IQGAP3: variants seen among roughly 807,000 people sequenced by gnomAD.
The protein encoded by IQGAP3 is IQ motif containing GTPase activating protein 3, also known as ras GTPase-activating-like protein IQGAP3.
IQGAP3 carries 165 observed loss-of-function variants against 208.2 expected under a neutral mutation model. The ratio of observed to expected loss-of-function variants is 0.79; its 90% CI spans 0.70 to 0.90. The LOEUF (loss-of-function observed/expected upper bound fraction) is 0.90. IQGAP3 is among the 40% of genes least tolerant of loss of function. The pLI, the probability that IQGAP3 is intolerant of heterozygous loss-of-function variation, is 0.00. For missense variants in IQGAP3, 1,811 were observed against 2,043.1 expected (o/e 0.89, Z 2.19); for synonymous variants, 703 against 803.6 (o/e 0.87, Z 2.12).
At chr1:156,559,950 C>T (rs78813039) in intron 11 of IQGAP3, among the ~76,000 whole-genome samples, 2 of 152,182 alleles carry the variant, frequency 1.3e-5, no homozygotes, top group Non-Finnish European at 2.9e-5. Context: ...CGGGAATGAA[C>T]TGAGTGGATT....
At chr1:156,557,983 G>A (rs1436358123) in intron 11 of IQGAP3, among the ~76,000 whole-genome samples, 1 of 11,542 alleles carries the variant, frequency 8.7e-5, no homozygotes, top group Admixed American at 8.4e-4. Context: ...AGGTGGGGGG[G>A]TCAGCCCCCC....
At chr1:156,540,679 G>A (rs376093584) in intron 23 of IQGAP3, 29 bp downstream of exon 23, 105 of 1,582,356 alleles carry the variant, frequency 6.6e-5, no homozygotes, top group Non-Finnish European at 8.5e-5. Context: ...GGCAGATCTC[G>A]GGGAGGGGAG....
chr1:156,532,223 C>G (rs1674442935), intron 32 of IQGAP3, among the ~76,000 whole-genome samples: 1 of 151,812 alleles, frequency 6.6e-6, no homozygotes, highest in African/African-American at 2.4e-5. Context: ...CCCATCTCTA[C>G]TAAAAATACA....
In IQGAP3 at chr1:156,535,180, C is replaced by T. The variant is rs1674633888; in HGVS notation, c.3490G>A (p.Asp1164Asn). 6.2e-7 allele frequency: 1 copy of T among 1,613,580 alleles called. No individual in the cohort carries two copies. The highest frequency in any genetic ancestry group is 1.7e-5 in the Admixed American group (1 of 59,962). ...ACACTTGCCTTATAGACCTCGCTGT[C>T]TGTGGCGTCAGGGAATTTCTCTGCC... ...TLAEKFPDAT[D>N]SEVYKVVGNL... Residue 1164 changes from aspartate (D) to asparagine (N), a missense_variant, in exon 28 of 38, where the codon GAC (aspartate) becomes AAC (asparagine). Coordinates refer to ENST00000361170, the MANE Select transcript of IQGAP3 (RefSeq NM_178229.5).
chr1:156,559,927 T>G (rs778105995), intron 11 of IQGAP3, among the ~76,000 whole-genome samples: 13 of 152,210 alleles, frequency 8.5e-5, no homozygotes, highest in Admixed American at 2.6e-4. Flanking sequence ...GAGATTACTC[T>G]GGCAGCAGCA....
Position 156,532,976 on chromosome 1 carries a change from C to A in IQGAP3, c.4103+4G>T. ...ATGCAGGGGCAGAGGCTGGCATCAC[C>A]CACCTCAGAAGCAGGCTACGGGTGT... On this transcript the variant is annotated splice_donor_region_variant and intron_variant, in intron 32 of 37. Transcript: ENST00000361170. 6.2e-7 allele frequency: 1 copy of A among 1,613,862 alleles called. No individual in the cohort carries two copies. Among genetic ancestry groups the A allele is most frequent in the Non-Finnish European group, 8.5e-7 (1 of 1,179,888 alleles).
chr1:156,548,148 G>T lies in IQGAP3; in HGVS notation c.2229C>A (p.Gly743=). ...FVIQLQARLR[G]FLVRQKFAEH... ...CAGCAAACTTCTGCCGAACTAGGAA[G>T]CCACGGAGGCGGGCCTGGAGCTGGA... Residue 743 remains glycine, a synonymous_variant, in exon 19 of 38, where the codon GGC becomes GGA. Coordinates refer to ENST00000361170, the MANE Select transcript of IQGAP3 (RefSeq NM_178229.5). The T allele has an allele frequency of 6.2e-7, 1 of 1,614,050 alleles. No homozygotes were observed. The highest frequency in any genetic ancestry group is 8.5e-7 in the Non-Finnish European group (1 of 1,179,956).
In IQGAP3 at chr1:156,526,264, G is replaced by T; in HGVS notation, c.*222C>A. 1.8e-6 allele frequency: 1 copy of T among 548,602 alleles called. No individual in the cohort carries two copies. The highest frequency in any genetic ancestry group is 3.3e-6 in the Non-Finnish European group (1 of 304,968). The allele number at this position is 548,602 out of a possible 1,614,324, so 34.0% of individuals were successfully genotyped here. A position where few individuals can be genotyped will look rare whatever the true frequency, so the allele number is the denominator to read the frequency against. ...CAGGGGTTTGTCATGCATGATAAAA[G>T]CCACACAGCTGGACTCTGGGCAAGG... On this transcript the variant is annotated 3_prime_UTR_variant, in exon 38 of 38. Transcript: ENST00000361170.
rs1676164122 is a variant in IQGAP3, at chr1:156,561,852, CTCTG to C, written c.1023_1026del (p.Asp341GlufsTer56). On this transcript the variant is annotated frameshift_variant, in exon 10 of 38. Transcript: ENST00000361170. LOFTEE classifies it high-confidence loss of function. ...CAGAGGCTAACCTGTGCCTTCTGCT[CTCTG>C]TCTGAGTTCAGCTGCTCCAGGTACC... 2 of 1,613,950 alleles carry C rather than the reference CTCTG, an allele frequency of 1.2e-6. No homozygotes were observed. The highest frequency in any genetic ancestry group is 1.7e-6 in the Non-Finnish European group (2 of 1,179,976).
chr1:156,535,870 T>C (rs892042806), intron 27 of IQGAP3, among the ~76,000 whole-genome samples: 2 of 152,218 alleles, frequency 1.3e-5, no homozygotes, highest in Non-Finnish European at 2.9e-5. Flanking sequence ...GAATGATCAT[T>C]CTTGCCTTCT....
chr1:156,544,174 C>T lies in IQGAP3; in HGVS notation c.2438G>A (p.Arg813His), dbSNP rs542327665. ...MWAARRQYLR[R>H]LHYFQKNVNS... ...CACATTCTTCTGGAAGTAGTGCAGA[C>T]GCCTCAGGTATTGCCTCCGAGCTGC... The change falls in exon 21 of 38, where the codon CGT becomes CAT. Residue 813 changes from arginine (R) to histidine (H), a missense_variant. Transcript: ENST00000361170. The T allele has an allele frequency of 1.7e-5, 28 of 1,614,178 alleles. No individual in the cohort carries two copies. The highest frequency in any genetic ancestry group is 9.9e-5 in the South Asian group (9 of 91,080).
intron 22 of IQGAP3, among the ~76,000 whole-genome samples, chr1:156,541,567 C>G (rs371805541): frequency 6.6e-6 from 1 of 152,152 alleles, no homozygotes; most frequent in African/African-American, 2.4e-5. Flanking sequence ...TGAGACAGAA[C>G]CTGTTCTAAG....
chr1:156,568,030 A>C (rs1676484492), intron 2 of IQGAP3, among the ~76,000 whole-genome samples: 1 of 152,244 alleles, frequency 6.6e-6, no homozygotes, highest in Admixed American at 6.5e-5. Context: ...ACTTAGCATC[A>C]CTAAAAGTGG....
chr1:156,542,332 G>C (rs754182319), intron 22 of IQGAP3, among the ~76,000 whole-genome samples: 1 of 152,178 alleles, frequency 6.6e-6, no homozygotes, highest in Non-Finnish European at 1.5e-5. Context: ...TGGGATTACA[G>C]GTACCTGTCA....
chr1:156,551,456 A>G (rs574822893), intron 15 of IQGAP3, among the ~76,000 whole-genome samples: 4 of 152,176 alleles, frequency 2.6e-5, no homozygotes, highest in African/African-American at 9.7e-5. Flanking sequence ...TCAAGGTCAC[A>G]TGGTCACTAA....
At chr1:156,543,057 T>C (rs1435578333) in intron 22 of IQGAP3, among the ~76,000 whole-genome samples, 1 of 150,934 alleles carries the variant, frequency 6.6e-6, no homozygotes, top group Non-Finnish European at 1.5e-5. Flanking sequence ...GCCAGTGAAG[T>C]CAGGAGACAG....
intron 36 of IQGAP3, 119 bp from the exon 37 acceptor site, chr1:156,528,179 C>G (rs561069722): frequency 8.0e-6 from 6 of 746,638 alleles, no homozygotes; most frequent in South Asian, 3.3e-5. Context: ...AGTTTTCCCT[C>G]TGTCACTCCC....
Position 156,550,317 on chromosome 1 carries a change from T to G in IQGAP3, c.1769A>C (p.Glu590Ala), listed in dbSNP as rs146241187. 5.0e-6 allele frequency: 8 copies of G among 1,613,848 alleles called. No individual in the cohort carries two copies. The South Asian group carries it at 8.8e-5, about 18-fold the overall frequency. The change falls in exon 16 of 38, where the codon GAG becomes GCG. Residue 590 changes from glutamate (E) to alanine (A), a missense_variant. Physicochemically the swap from Glu to Ala is moderately radical, Grantham distance 107. Coordinates refer to ENST00000361170, the MANE Select transcript of IQGAP3 (RefSeq NM_178229.5). Reference protein sequence around the residue: ...TGDPGAVLWLEEIRQGVVRAN... With the variant: ...TGDPGAVLWLAEIRQGVVRAN... The stretch of plus-strand genomic sequence containing the variant: ...TCTGACCACTCCCTGGCGGATCTCC[T>G]CAAGCCACAGCACAGCTCCAGGATC...
Position 156,552,067 on chromosome 1 carries a change from G to A in IQGAP3, c.1477C>T (p.Gln493Ter). ...RYFDALLKLR[Q>*]ERGMGEDFLS... ...AAGTCCTCACCCATCCCACGCTCCT[G>A]TCGCAATTTCAGCAGGGCATCGAAG... The change falls in exon 14 of 38, where the codon CAG becomes TAG. Residue 493 changes from glutamine to a stop codon, truncating the protein, a stop_gained. Coordinates refer to ENST00000361170, the MANE Select transcript of IQGAP3 (RefSeq NM_178229.5). LOFTEE classifies it high-confidence loss of function. 1 of 1,614,162 alleles carries A rather than the reference G, an allele frequency of 6.2e-7. No homozygotes were observed. Among genetic ancestry groups the A allele is most frequent in the Non-Finnish European group, 8.5e-7 (1 of 1,180,018 alleles).
Sources: gnomAD v4.1 joint callset for allele counts (sites outside exome capture counted in the v4.1 genomes callset) on GRCh38, gnomAD v4.1.1 for gene constraint, MANE v1.5 for transcripts, NCBI Gene and HGNC (gene_info 2026-07-23, HGNC 2026-07-21) for gene names.